Variants in FBXL7 observed in about 807,000 individuals in gnomAD.
The protein encoded by FBXL7 is F-box and leucine rich repeat protein 7.
Under a neutral mutation model 38.3 loss-of-function variants are expected in FBXL7, and 12 were observed. The ratio of observed to expected loss-of-function variants is 0.31; its 90% CI spans 0.20 to 0.51. The LOEUF (loss-of-function observed/expected upper bound fraction) is 0.51. Among genes scored for constraint, FBXL7 ranks in the 20% least tolerant of loss-of-function variants. The pLI, the probability that FBXL7 is intolerant of heterozygous loss-of-function variation, is 0.98. For missense variants in FBXL7, 567 were observed against 676.4 expected, an observed-to-expected ratio of 0.84 and a Z score of 1.79; for synonymous variants, 297 against 300.9, an observed-to-expected ratio of 0.99 and a Z score of 0.13.
chr5:15,558,110 C>T (rs1471935164), intron 1 of FBXL7, among the ~76,000 whole-genome samples: 1 of 152,074 alleles, frequency 6.6e-6, no homozygotes, highest in African/African-American at 2.4e-5. Flanking sequence ...ATGAATACCA[C>T]TGGATTCTAC....
chr5:15,647,880 C>G (rs1741582985), intron 2 of FBXL7, among the ~76,000 whole-genome samples: 2 of 152,234 alleles, frequency 1.3e-5, no homozygotes, highest in African/African-American at 4.8e-5. Context: ...ATGCAGCTGA[C>G]AGTGTCTGCA....
intron 2 of FBXL7, among the ~76,000 whole-genome samples, chr5:15,695,136 T>A (rs1443622266): frequency 6.6e-6 from 1 of 152,176 alleles, no homozygotes; most frequent in Non-Finnish European, 1.5e-5. Context: ...CTTTTTACTT[T>A]TAGAGTCAAA....
At chr5:15,515,672 C>T (rs1178135504) in intron 1 of FBXL7, among the ~76,000 whole-genome samples, 5 of 152,038 alleles carry the variant, frequency 3.3e-5, no homozygotes, top group East Asian at 1.9e-4. Context: ...ATCAGCATTT[C>T]GTGTTACTGG....
intron 1 of FBXL7, among the ~76,000 whole-genome samples, chr5:15,518,278 T>G (rs1027100108): frequency 5.9e-5 from 9 of 152,142 alleles, no homozygotes; most frequent in Non-Finnish European, 1.3e-4. Flanking sequence ...CAGGTTCAGT[T>G]TTAGCTACTT....
At chr5:15,505,155 A>G (rs1485673037) in intron 1 of FBXL7, among the ~76,000 whole-genome samples, 1 of 152,212 alleles carries the variant, frequency 6.6e-6, no homozygotes, top group African/African-American at 2.4e-5. Flanking sequence ...TTGAAATTAT[A>G]ATAACAGTGG....
intron 2 of FBXL7, among the ~76,000 whole-genome samples, chr5:15,731,572 G>A (rs1735585635): frequency 6.6e-6 from 1 of 152,092 alleles, no homozygotes; most frequent in African/African-American, 2.4e-5. Context: ...AAAGAAAAAG[G>A]GAAATATTGC....
intron 1 of FBXL7, among the ~76,000 whole-genome samples, chr5:15,599,819 G>A (rs921947029): frequency 6.6e-6 from 1 of 152,148 alleles, no homozygotes; most frequent in African/African-American, 2.4e-5. Context: ...GAAAAATGAC[G>A]AGGTTCATAA....
intron 2 of FBXL7, among the ~76,000 whole-genome samples, chr5:15,796,740 G>A (rs1737426706): frequency 6.6e-6 from 1 of 152,148 alleles, no homozygotes; most frequent in Non-Finnish European, 1.5e-5. Context: ...ACCATCCAGG[G>A]CTCACCGGGA....
At chr5:15,613,067 T>C (rs1161392730) in intron 1 of FBXL7, among the ~76,000 whole-genome samples, 1 of 152,222 alleles carries the variant, frequency 6.6e-6, no homozygotes, top group Non-Finnish European at 1.5e-5. Context: ...CATTTGTGCA[T>C]CTCTAAGCAA....
intron 2 of FBXL7, among the ~76,000 whole-genome samples, chr5:15,812,860 G>A (rs1464160882): frequency 6.6e-6 from 1 of 152,098 alleles, no homozygotes; most frequent in Non-Finnish European, 1.5e-5. Flanking sequence ...CTTGTAAGTT[G>A]TATTCCTAAG....
chr5:15,770,724 A>T (rs1736707673), intron 2 of FBXL7, among the ~76,000 whole-genome samples: 2 of 152,210 alleles, frequency 1.3e-5, no homozygotes, highest in African/African-American at 4.8e-5. Flanking sequence ...TCATTGTCCT[A>T]TTATAGAGAT....
In FBXL7 at chr5:15,731,337, A is replaced by G. The variant is rs564729023; in HGVS notation, c.127+115265A>G. Among the ~76,000 whole-genome samples the G allele has an allele frequency of 4.4e-4, 67 of 152,296 alleles. 2 individuals are homozygous for G. In the South Asian group the frequency reaches 0.013, roughly 30 times the overall value. ...CAAGGGGGCATAAGTCACATCTTAC[A>G]TGGATAGCGACAGGCAAAGAGAAAG... On this transcript the variant is annotated intron_variant, in intron 2 of 3. Transcript: ENST00000504595.
chr5:15,792,019 T>G (rs1737290678), intron 2 of FBXL7, among the ~76,000 whole-genome samples: 1 of 152,170 alleles, frequency 6.6e-6, no homozygotes, highest in Admixed American at 6.5e-5. Flanking sequence ...AGTATTTTTG[T>G]TTAATCCTTA....
chr5:15,885,591 A>G (rs980298635), intron 2 of FBXL7, among the ~76,000 whole-genome samples: 2 of 152,212 alleles, frequency 1.3e-5, no homozygotes, highest in African/African-American at 4.8e-5. Context: ...TTGAAACTCC[A>G]AGGACATTTT....
At chr5:15,919,034 C>T (rs1283174297) in intron 2 of FBXL7, among the ~76,000 whole-genome samples, 1 of 152,148 alleles carries the variant, frequency 6.6e-6, no homozygotes, top group Non-Finnish European at 1.5e-5. Context: ...GTGTTCTTTT[C>T]TCACTAGCTA....
At chr5:15,882,000 C>T (rs1327901489) in intron 2 of FBXL7, among the ~76,000 whole-genome samples, 1 of 152,116 alleles carries the variant, frequency 6.6e-6, no homozygotes, top group Non-Finnish European at 1.5e-5. Flanking sequence ...GGGACAGGCA[C>T]TTCACATGGC....
chr5:15,916,774 T>A (rs948993398), intron 2 of FBXL7, among the ~76,000 whole-genome samples: 8 of 152,210 alleles, frequency 5.3e-5, no homozygotes, highest in African/African-American at 1.9e-4. Context: ...ACCATGGAAT[T>A]TATCTTTATC....
intron 1 of FBXL7, among the ~76,000 whole-genome samples, chr5:15,523,734 G>A (rs958980599): frequency 2.6e-5 from 4 of 152,138 alleles, no homozygotes; most frequent in African/African-American, 9.7e-5. Context: ...AAGAACTCCA[G>A]TGCTGGTGGC....
intron 1 of FBXL7, among the ~76,000 whole-genome samples, chr5:15,542,310 CAT>C (rs1737776333): frequency 6.6e-6 from 1 of 152,142 alleles, no homozygotes; most frequent in African/African-American, 2.4e-5. Context: ...CATAATTCTA[CAT>C]GTGATACAGT....
Sources: allele counts gnomAD v4.1 joint callset (sites outside exome capture counted in the v4.1 genomes callset), GRCh38; gene constraint gnomAD v4.1.1; transcripts MANE v1.5; gene names NCBI Gene and HGNC (gene_info 2026-07-23, HGNC 2026-07-21).